Variants in FCRL4 observed in about 807,000 individuals in gnomAD.
The protein encoded by FCRL4 is Fc receptor like 4.
Under a neutral mutation model 64.1 loss-of-function variants are expected in FCRL4, and 43 were observed. That is an observed-to-expected ratio of 0.67 (90% CI 0.53 to 0.87). The LOEUF is 0.87. Among genes scored for constraint, FCRL4 ranks in the 40% least tolerant of loss-of-function variants. The pLI, the probability that FCRL4 is intolerant of heterozygous loss-of-function variation, is 0.00. For synonymous variants in FCRL4, 253 were observed against 239.8 expected, an observed-to-expected ratio of 1.05 and a Z score of -0.51; for missense variants, 656 against 613.5, an observed-to-expected ratio of 1.07 and a Z score of -0.73.
Position 157,587,551 on chromosome 1 carries a change from G to C in FCRL4, c.572C>G (p.Pro191Arg), listed in dbSNP as rs754195156. ...GTCTGTAGCTTTCAGCTCTGGATGT[G>C]GAAATAGTTCTAGAGAGAAGAGGTA... Reference protein sequence around the residue: ...FKIIKIQELFPHPELKATDSQ... With the variant: ...FKIIKIQELFRHPELKATDSQ... The change falls in exon 5 of 12, where the codon CCA becomes CGA. Residue 191 changes from proline to arginine, a missense_variant. By Grantham distance (103) the Pro-to-Arg change is moderately radical (BLOSUM62 -2). Coordinates refer to ENST00000271532, the MANE Select transcript of FCRL4 (RefSeq NM_031282.3). The C allele has an allele frequency of 6.2e-7, 1 of 1,613,650 alleles. No homozygotes were observed. Among genetic ancestry groups the C allele is most frequent in the South Asian group, 1.1e-5 (1 of 91,050 alleles).
At chr1:157,589,592 G>C (rs1652790741) in intron 2 of FCRL4, 134 bp from the exon 3 acceptor site, 2 of 1,150,262 alleles carry the variant, frequency 1.7e-6, no homozygotes, top group East Asian at 5.1e-5. Context: ...GTTTACCCAG[G>C]TTGCAGGTGA....
Position 157,577,805 on chromosome 1 carries a change from G to T in FCRL4, c.1429+669C>A, listed in dbSNP as rs115431844. 4.7e-3 allele frequency among the ~76,000 whole-genome samples: 715 copies of T among 152,294 alleles called. 4 individuals carry two copies. The highest frequency in any genetic ancestry group is 0.017 in the African/African-American group (687 of 41,560). On this transcript the variant is annotated intron_variant, in intron 10 of 11. Transcript: ENST00000271532. The stretch of plus-strand genomic sequence containing the variant: ...GGCCGGGGTAAGAACTACCAGAAAA[G>T]AACAGGCAGAATAATACCAGAAGCT...
intron 2 of FCRL4, 107 bp downstream of exon 2, chr1:157,596,221 C>T: frequency 7.9e-7 from 1 of 1,271,550 alleles, no homozygotes; most frequent in East Asian, 2.4e-5. Flanking sequence ...CTGCAGCACT[C>T]AGGAAAAGGA....
chr1:157,587,719 A>G (rs1375972994), intron 4 of FCRL4, 146 bp downstream of exon 4: 11 of 1,111,454 alleles, frequency 9.9e-6, no homozygotes, highest in African/African-American at 1.6e-5. Flanking sequence ...ATTCAGGTCC[A>G]ATCACCCCAC....
At chr1:157,593,546 T>A (rs1004479531) in intron 2 of FCRL4, among the ~76,000 whole-genome samples, 1 of 152,208 alleles carries the variant, frequency 6.6e-6, no homozygotes, top group Non-Finnish European at 1.5e-5. Flanking sequence ...AGTTATTGTT[T>A]ATCTTGAAAA....
intron 2 of FCRL4, among the ~76,000 whole-genome samples, chr1:157,590,112 C>T (rs757678594): frequency 8.6e-5 from 13 of 152,046 alleles, no homozygotes; most frequent in Non-Finnish European, 1.9e-4. Context: ...GCATAAAAAC[C>T]CTTGTTTACC....
chr1:157,582,614 C>G (rs1652586962), intron 6 of FCRL4, among the ~76,000 whole-genome samples: 1 of 152,186 alleles, frequency 6.6e-6, no homozygotes, highest in Non-Finnish European at 1.5e-5. Context: ...CAACACTGAT[C>G]ATGATTTCCG....
chr1:157,596,679 G>A (rs1468538590), intron 1 of FCRL4, among the ~76,000 whole-genome samples: 1 of 152,206 alleles, frequency 6.6e-6, no homozygotes, highest in East Asian at 1.9e-4. Context: ...AATGGCTGCT[G>A]TCATTAATTT....
At chr1:157,586,737 G>T (rs142355208) in intron 5 of FCRL4, among the ~76,000 whole-genome samples, 111 of 152,302 alleles carry the variant, frequency 7.3e-4, no homozygotes, top group African/African-American at 2.6e-3. Flanking sequence ...GAGTTGTTTT[G>T]AGGGGCAGGT....
rs1652389750 is a variant in FCRL4 at position 157,575,746 on chromosome 1, G to A, written c.1430-16C>T. ...GAGGTATTAGCTGTGGACAGAAAGA[G>A]AATCACTGGACTATGGGCATAATGA... On this transcript the variant is annotated splice_polypyrimidine_tract_variant and intron_variant, in intron 10 of 11. Coordinates refer to ENST00000271532, the MANE Select transcript of FCRL4 (RefSeq NM_031282.3). 5.6e-6 allele frequency: 9 copies of A among 1,613,236 alleles called. No individual in the cohort carries two copies. The highest frequency in any genetic ancestry group is 7.6e-6 in the Non-Finnish European group (9 of 1,179,390).
chr1:157,578,399 A>C, intron 10 of FCRL4, 75 bp downstream of exon 10: 2 of 1,205,798 alleles, frequency 1.7e-6, no homozygotes, highest in South Asian at 2.4e-5. Context: ...TACCTAGCAC[A>C]TAGGAGGTGC....
chr1:157,585,344 C>CTTTCTTTCCTTCTTTCTTTCTT (rs72007539), intron 6 of FCRL4, among the ~76,000 whole-genome samples: 3 of 81,276 alleles, frequency 3.7e-5, no homozygotes, highest in African/African-American at 1.3e-4. Flanking sequence ...CTTTCTCTCT[C>CTTTCTTTCCTTCTTTCTTTCTT]TCTTTCTTTC....
chr1:157,582,121 T>C (rs1458342650), intron 6 of FCRL4, among the ~76,000 whole-genome samples: 6 of 152,148 alleles, frequency 3.9e-5, no homozygotes, highest in African/African-American at 7.2e-5. Flanking sequence ...TCCTTCCTCA[T>C]AGAAGCCTGT....
At chr1:157,587,775 T>G in intron 4 of FCRL4, 90 bp downstream of exon 4, 2 of 1,344,300 alleles carry the variant, frequency 1.5e-6, no homozygotes, top group Non-Finnish European at 2.0e-6. Flanking sequence ...TATCCAGAGT[T>G]TCAATAGTAA....
intron 4 of FCRL4, 125 bp from the exon 5 acceptor site, chr1:157,587,685 A>G (rs1358295678): frequency 8.4e-7 from 1 of 1,190,166 alleles, no homozygotes; most frequent in Non-Finnish European, 1.2e-6. Context: ...CAAGCCCTCT[A>G]TCACAGTTTT....
At chr1:157,593,674 A>T (rs956599290) in intron 2 of FCRL4, among the ~76,000 whole-genome samples, 1 of 152,132 alleles carries the variant, frequency 6.6e-6, no homozygotes, top group Non-Finnish European at 1.5e-5. Flanking sequence ...ATTGTTGTTC[A>T]ATAATACCTA....
At chr1:157,580,490 G>A (rs1652536139) in intron 7 of FCRL4, 142 bp from the exon 8 acceptor site, 1 of 846,382 alleles carries the variant, frequency 1.2e-6, no homozygotes, top group Non-Finnish European at 1.9e-6. Flanking sequence ...ATGAAAATGA[G>A]GTGAAAAAAA....
chr1:157,592,667 AGACAGTAT>A (rs2101687146), intron 2 of FCRL4, among the ~76,000 whole-genome samples: 1 of 152,376 alleles, frequency 6.6e-6, no homozygotes, highest in South Asian at 2.1e-4. Context: ...CCATTGTGGA[AGACAGTAT>A]GACAATTCCT....
Position 157,586,287 on chromosome 1 carries a change from G to A in FCRL4, c.1016C>T (p.Ser339Phe), listed in dbSNP as rs267598087. The change falls in exon 6 of 12, where the codon TCC (serine) becomes TTC (phenylalanine). Residue 339 changes from serine (S) to phenylalanine (F), a missense_variant. Ser to Phe is a radical substitution (Grantham distance 155). Transcript: ENST00000271532. ...QESLGRKTQR[S>F]LRAELELPAI... The stretch of plus-strand genomic sequence containing the variant: ...AGGGAGCTCCAGCTCTGCTCTCAGG[G>A]AACGCTGAGTTTTCCTCCCCAGACT... 1.2e-6 allele frequency: 2 copies of A among 1,614,046 alleles called. No homozygotes were observed. The highest frequency in any genetic ancestry group is 1.7e-6 in the Non-Finnish European group (2 of 1,180,000).
Sources: allele counts gnomAD v4.1 joint callset (sites outside exome capture counted in the v4.1 genomes callset), GRCh38; gene constraint gnomAD v4.1.1; transcripts MANE v1.5; gene names NCBI Gene and HGNC (gene_info 2026-07-23, HGNC 2026-07-21).